The following SOAT1 variants were observed in gnomAD, a reference collection of about 807,000 sequenced individuals.
SOAT1 encodes acyl-coenzyme A:cholesterol acyltransferase 1.
SOAT1 carries 55 observed loss-of-function variants against 69.5 expected under a neutral mutation model. That is an observed-to-expected ratio of 0.79 (90% CI 0.64 to 0.99). The LOEUF is 0.99. SOAT1 is among the 50% of genes least tolerant of loss of function. The probability of loss-of-function intolerance (pLI) is 0.00; values close to 1 mark genes in which losing one functional copy is unlikely to be tolerated. For missense variants in SOAT1, 580 were observed against 669.3 expected, an observed-to-expected ratio of 0.87 and a Z score of 1.47; for synonymous variants, 231 against 224.7, an observed-to-expected ratio of 1.03 and a Z score of -0.25.
intron 11 of SOAT1, among the ~76,000 whole-genome samples, chr1:179,345,834 G>A (rs754504680): frequency 6.6e-5 from 10 of 152,096 alleles, no homozygotes; most frequent in Non-Finnish European, 1.0e-4. Context: ...ACAGGCTTGA[G>A]CCACCATGCT....
chr1:179,329,013 T>G (rs1037247358), intron 3 of SOAT1, among the ~76,000 whole-genome samples: 4 of 143,174 alleles, frequency 2.8e-5, no homozygotes, highest in Non-Finnish European at 6.0e-5. Flanking sequence ...GCCACTGCAC[T>G]CCAGCCTGGG....
At position 179,353,211 on chromosome 1, in the gene SOAT1, A is replaced by ATATATATATAAATATATATATATT. The variant is rs57930073; in HGVS notation, c.1597-364_1597-363insAATATATATATATTTATATATATA. 1.1e-3 allele frequency among the ~76,000 whole-genome samples: 69 copies of ATATATATATAAATATATATATATT among 64,098 alleles called. 3 individuals carry two copies. Among genetic ancestry groups the ATATATATATAAATATATATATATT allele is most frequent in the Middle Eastern group, 0.014 (2 of 140 alleles). 42.1% of individuals were successfully genotyped at this position (64,098 alleles called of 152,430 possible). On this transcript the variant is annotated intron_variant, in intron 15 of 15. Transcript: ENST00000367619. ...ATCTAAATGGTGGTTATATATAAATATATATATATATATCTATTTGTCGTC... is the reference window on the plus strand; with the variant it reads ...ATCTAAATGGTGGTTATATATAAATATATATATATAAATATATATATATTTATATATATATATCTATTTGTCGTC...
intron 7 of SOAT1, 73 bp downstream of exon 7, chr1:179,341,383 T>A: frequency 1.4e-6 from 2 of 1,379,958 alleles, no homozygotes; most frequent in Non-Finnish European, 2.0e-6. Context: ...GACATACTGA[T>A]ACTATTATTT....
chr1:179,341,072 T>A lies in SOAT1; in HGVS notation c.542T>A (p.Phe181Tyr), dbSNP rs1471629082. ...CTCCTGTCTTATGCTTTTGGCAAAT[T>A]TCCTACCGTTGTTTGGACCTGGTGG... ...FSLLSYAFGK[F>Y]PTVVWTWWIM... Residue 181 changes from phenylalanine to tyrosine, a missense_variant, in exon 7 of 16, where the codon TTT becomes TAT. Physicochemically the swap from Phe to Tyr is conservative, Grantham distance 22. Coordinates refer to ENST00000367619, the MANE Select transcript of SOAT1 (RefSeq NM_003101.6). The A allele has an allele frequency of 6.2e-7, 1 of 1,614,062 alleles. No individual in the cohort carries two copies. The highest frequency in any genetic ancestry group is 8.5e-7 in the Non-Finnish European group (1 of 1,180,028).
chr1:179,318,194 CAAAA>C (rs1209069147), intron 2 of SOAT1, among the ~76,000 whole-genome samples: 2 of 146,686 alleles, frequency 1.4e-5, no homozygotes, highest in Non-Finnish European at 2.9e-5. Flanking sequence ...GATCCTGTCT[CAAAA>C]AAAGCCCCCA....
chr1:179,328,089 C>T (rs952441339), intron 3 of SOAT1, among the ~76,000 whole-genome samples: 2 of 152,050 alleles, frequency 1.3e-5, no homozygotes, highest in African/African-American at 2.4e-5. Flanking sequence ...ATTAAATTAC[C>T]TTTGCTTTTG....
intron 3 of SOAT1, among the ~76,000 whole-genome samples, chr1:179,325,218 C>T (rs1373749504): frequency 3.4e-5 from 5 of 145,508 alleles, no homozygotes; most frequent in African/African-American, 1.3e-4. Flanking sequence ...GGCGCGATCT[C>T]GGCTCACTGC....
chr1:179,351,268 T>C, intron 14 of SOAT1, 49 bp from the exon 15 acceptor site: 1 of 1,572,134 alleles, frequency 6.4e-7, no homozygotes, highest in Non-Finnish European at 8.7e-7. Flanking sequence ...GGTCTCGAAC[T>C]TCTGACCTCT....
At chr1:179,294,307 G>T (rs902490030) in intron 1 of SOAT1, 8 of 152,198 alleles carry the variant, frequency 5.3e-5, no homozygotes, top group African/African-American at 1.9e-4. Context: ...GAAAATGTGT[G>T]AAGGGAAGGA....
intron 7 of SOAT1, 106 bp from the exon 8 acceptor site, chr1:179,342,007 CA>C (rs1158485399): frequency 7.0e-7 from 1 of 1,437,662 alleles, no homozygotes; most frequent in East Asian, 2.5e-5. Context: ...ATACACTTAT[CA>C]GGATTTTCTG....
At chr1:179,321,362 G>C (rs1256264849) in intron 2 of SOAT1, among the ~76,000 whole-genome samples, 1 of 152,066 alleles carries the variant, frequency 6.6e-6, no homozygotes, top group East Asian at 1.9e-4. Flanking sequence ...TAGAGATAGG[G>C]TCTTGCTACA....
rs774661745 is a variant in SOAT1, at chr1:179,335,655, G to A, written c.327G>A (p.Ala109=). 3.5e-5 allele frequency: 56 copies of A among 1,609,978 alleles called. No homozygotes were observed. Among genetic ancestry groups the A allele is most frequent in the South Asian group, 6.7e-5 (6 of 90,146 alleles). ...VLEGEKNNHR[A]KDLRAPPEQG... ...AAGGAGAGAAAAACAACCATAGAGC[G>A]AAGTAAGTATGTGCTATTTTCTTTT... is the stretch of plus-strand genomic sequence containing the variant. The change falls in exon 4 of 16, where the codon GCG becomes GCA. Residue 109 remains alanine, a splice_region_variant and synonymous_variant. Coordinates refer to ENST00000367619, the MANE Select transcript of SOAT1 (RefSeq NM_003101.6).
chr1:179,347,686 A>T lies in SOAT1; in HGVS notation c.1204A>T (p.Met402Leu), dbSNP rs774930953. 1 of 1,604,356 alleles carries T rather than the reference A, an allele frequency of 6.2e-7. No homozygotes were observed. The highest frequency in any genetic ancestry group is 1.7e-5 in the Admixed American group (1 of 59,900). The change falls in exon 12 of 16, where the codon ATG (methionine) becomes TTG (leucine). Residue 402 changes from methionine to leucine, a missense_variant. Coordinates refer to ENST00000367619, the MANE Select transcript of SOAT1 (RefSeq NM_003101.6). ...FAEMLRFGDR[M>L]FYKDWWNSTS... ...TGAGATGTTACGCTTTGGTGACAGG[A>T]TGTTCTATAAGGTAGTATATACTTA...
At chr1:179,305,544 C>G (rs1664975467) in intron 2 of SOAT1, among the ~76,000 whole-genome samples, 1 of 151,870 alleles carries the variant, frequency 6.6e-6, no homozygotes, top group Admixed American at 6.6e-5. Context: ...CTGCTATGAA[C>G]ATTTGTGTAG....
intron 1 of SOAT1, among the ~76,000 whole-genome samples, chr1:179,299,849 GT>G (rs1558034491): frequency 7.3e-6 from 1 of 137,070 alleles, no homozygotes; most frequent in Non-Finnish European, 1.5e-5. Context: ...CGCCTCCTGG[GT>G]TCATGCCATT....
intron 11 of SOAT1, among the ~76,000 whole-genome samples, chr1:179,347,173 A>G (rs758718691): frequency 1.3e-5 from 2 of 152,090 alleles, no homozygotes; most frequent in Non-Finnish European, 2.9e-5. Flanking sequence ...CCTGGCCAAC[A>G]TGGTGAAACC....
chr1:179,347,393 A>G (rs1338532849), intron 11 of SOAT1, among the ~76,000 whole-genome samples: 4 of 150,886 alleles, frequency 2.7e-5, no homozygotes, highest in Non-Finnish European at 5.9e-5. Context: ...GGGTAATGTC[A>G]TTTGTTGAAC....
intron 3 of SOAT1, among the ~76,000 whole-genome samples, chr1:179,325,167 T>TTG (rs1342365808): frequency 1.3e-5 from 2 of 148,662 alleles, no homozygotes; most frequent in South Asian, 2.2e-4. Context: ...TTTTTTTTTT[T>TTG]GAGACAGAGT....
chr1:179,322,767 G>A (rs1369926078), intron 2 of SOAT1, among the ~76,000 whole-genome samples: 4 of 152,140 alleles, frequency 2.6e-5, no homozygotes, highest in East Asian at 1.9e-4. Flanking sequence ...ACAGCATCAA[G>A]TAGAGACAGA....
Sources: allele counts gnomAD v4.1 joint callset (sites outside exome capture counted in the v4.1 genomes callset), GRCh38; gene constraint gnomAD v4.1.1; transcripts MANE v1.5; gene names NCBI Gene and HGNC (gene_info 2026-07-23, HGNC 2026-07-21).